ANKS1B: variants seen among roughly 807,000 people sequenced by gnomAD.
ANKS1B encodes the protein ankyrin repeat and sterile alpha motif domain-containing protein 1B.
In ANKS1B, 36 loss-of-function variants were observed where a neutral mutation model predicts 148.3. That is an observed-to-expected ratio of 0.24 (90% CI 0.19 to 0.32). The LOEUF (loss-of-function observed/expected upper bound fraction) is 0.32. Ranked by LOEUF, ANKS1B falls within the 10% of genes least tolerant of loss-of-function variation. ANKS1B has a pLI of 1.00. For missense variants in ANKS1B, 1,157 were observed against 1,542.6 expected, an observed-to-expected ratio of 0.75 and a Z score of 4.19; for synonymous variants, 542 against 560.8, an observed-to-expected ratio of 0.97 and a Z score of 0.47.
At chr12:98,952,113 T>C (rs1170568639) in intron 17 of ANKS1B, among the ~76,000 whole-genome samples, 5 of 152,252 alleles carry the variant, frequency 3.3e-5, no homozygotes, top group Non-Finnish European at 5.9e-5. Context: ...CATTCAACTC[T>C]TGATAAATTA....
intron 9 of ANKS1B, among the ~76,000 whole-genome samples, chr12:99,616,582 A>G (rs994629556): frequency 6.6e-6 from 1 of 152,208 alleles, no homozygotes; most frequent in Non-Finnish European, 1.5e-5. Context: ...AAAACTGGCT[A>G]GCCATAGGCA....
intron 10 of ANKS1B, among the ~76,000 whole-genome samples, chr12:99,469,890 TAGG>T (rs1026626745): frequency 1.3e-5 from 2 of 151,774 alleles, no homozygotes; most frequent in African/African-American, 4.8e-5. Flanking sequence ...GAGACTGAGG[TAGG>T]AGGATTGCTT....
intron 9 of ANKS1B, among the ~76,000 whole-genome samples, chr12:99,641,647 G>A (rs369653435): frequency 4.6e-5 from 7 of 151,982 alleles, no homozygotes; most frequent in African/African-American, 9.7e-5. Flanking sequence ...TAATAAATAC[G>A]TTTAGCAGCT....
chr12:99,018,385 G>A (rs2153431000), intron 17 of ANKS1B, among the ~76,000 whole-genome samples: 1 of 152,310 alleles, frequency 6.6e-6, no homozygotes, highest in Non-Finnish European at 1.5e-5. Flanking sequence ...TATTAATTAT[G>A]ATTGAGACAA....
At chr12:99,109,797 A>AG (rs1300122189) in intron 15 of ANKS1B, among the ~76,000 whole-genome samples, 1 of 152,182 alleles carries the variant, frequency 6.6e-6, no homozygotes, top group Non-Finnish European at 1.5e-5. Flanking sequence ...AATACACTAA[A>AG]GCATCATTAG....
intron 12 of ANKS1B, among the ~76,000 whole-genome samples, chr12:99,361,875 C>T (rs754321777): frequency 3.9e-5 from 6 of 151,936 alleles, no homozygotes; most frequent in Admixed American, 6.6e-5. Flanking sequence ...ATTTTCTGTT[C>T]GCATTTCCTT....
chr12:98,764,321 G>T (rs1391597110), intron 25 of ANKS1B, among the ~76,000 whole-genome samples: 1 of 152,154 alleles, frequency 6.6e-6, no homozygotes, highest in Non-Finnish European at 1.5e-5. Context: ...TCGCCTCCTG[G>T]GTTCAAGCAA....
intron 17 of ANKS1B, among the ~76,000 whole-genome samples, chr12:98,877,607 T>C (rs1157843775): frequency 6.6e-6 from 1 of 152,218 alleles, no homozygotes; most frequent in African/African-American, 2.4e-5. Context: ...CAAGGTTTAC[T>C]GTCTCATTGT....
intron 19 of ANKS1B, among the ~76,000 whole-genome samples, chr12:98,816,879 A>G (rs2099145995): frequency 6.6e-6 from 1 of 152,192 alleles, no homozygotes; most frequent in Admixed American, 6.5e-5. Flanking sequence ...TAAGCTCTGG[A>G]AAGCTTCTGG....
At chr12:98,953,577 A>C (rs1464562181) in intron 17 of ANKS1B, among the ~76,000 whole-genome samples, 1 of 74,676 alleles carries the variant, frequency 1.3e-5, no homozygotes, top group African/African-American at 6.4e-5. Context: ...GCCAAGGATT[A>C]CCTCTTTCTC....
At chr12:99,441,116 C>T (rs2095543043) in intron 11 of ANKS1B, among the ~76,000 whole-genome samples, 1 of 151,482 alleles carries the variant, frequency 6.6e-6, no homozygotes, top group South Asian at 2.1e-4. Context: ...TCTTTAATAC[C>T]CATAAATCAA....
Position 98,752,371 on chromosome 12 carries a change from GC to G in ANKS1B, c.3580-850del, listed in dbSNP as rs575093091. ...CCTCCCGGGTTCAAGCGATTCTCTT[GC>G]CTCAGCCTCCCGAGTAGCTGGGACT... On this transcript the variant is annotated intron_variant, in intron 25 of 26. Transcript: ENST00000683438. Among the ~76,000 whole-genome samples, 44 of 151,942 alleles carry G rather than the reference GC, an allele frequency of 2.9e-4. 1 individual carries two copies. The East Asian group carries it at 8.3e-3, about 29-fold the overall frequency.
intron 17 of ANKS1B, among the ~76,000 whole-genome samples, chr12:98,990,933 T>G (rs1427170026): frequency 6.6e-6 from 1 of 152,194 alleles, no homozygotes; most frequent in African/African-American, 2.4e-5. Context: ...CTTGTCCTAG[T>G]GGCAGCAGGT....
intron 1 of ANKS1B, among the ~76,000 whole-genome samples, chr12:99,927,485 A>G (rs2094502808): frequency 2.0e-5 from 3 of 152,242 alleles, no homozygotes; most frequent in Admixed American, 6.5e-5. Context: ...TTAACATTGA[A>G]GCTACTTAAA....
chr12:99,355,284 A>G (rs1242788973), intron 12 of ANKS1B, among the ~76,000 whole-genome samples: 1 of 152,088 alleles, frequency 6.6e-6, no homozygotes, highest in Non-Finnish European at 1.5e-5. Flanking sequence ...AGATTGGGAT[A>G]GTGCTAGAAT....
intron 15 of ANKS1B, among the ~76,000 whole-genome samples, chr12:99,102,415 TC>T (rs2058160787): frequency 3.2e-5 from 1 of 31,532 alleles, no homozygotes; most frequent in Non-Finnish European, 1.0e-4. Context: ...TGCTTTATTT[TC>T]TTCTTCTTCT....
chr12:99,755,312 T>C (rs1395440095), intron 8 of ANKS1B, among the ~76,000 whole-genome samples: 1 of 151,826 alleles, frequency 6.6e-6, no homozygotes, highest in African/African-American at 2.4e-5. Flanking sequence ...AGAAATTGAT[T>C]CTCTGAGCAA....
chr12:99,087,815 A>G (rs770626600), intron 15 of ANKS1B, among the ~76,000 whole-genome samples: 8 of 152,226 alleles, frequency 5.3e-5, no homozygotes, highest in Non-Finnish European at 1.0e-4. Context: ...CATAGCTACT[A>G]TCTCTAGGTA....
chr12:99,287,272 G>T (rs1432559152), intron 12 of ANKS1B, among the ~76,000 whole-genome samples: 1 of 152,148 alleles, frequency 6.6e-6, no homozygotes, highest in African/African-American at 2.4e-5. Context: ...GTAATCTAAG[G>T]AATTCCCCTG....
Sources: gnomAD v4.1 joint callset for allele counts (sites outside exome capture counted in the v4.1 genomes callset) on GRCh38, gnomAD v4.1.1 for gene constraint, MANE v1.5 for transcripts, NCBI Gene and HGNC (gene_info 2026-07-23, HGNC 2026-07-21) for gene names.